FAM20A: variants seen among roughly 807,000 people sequenced by gnomAD.
FAM20A encodes pseudokinase FAM20A.
In FAM20A, 42 loss-of-function variants were observed where a neutral mutation model predicts 52.0. The observed-to-expected ratio is 0.81, with a 90% CI of 0.63 to 1.04. The LOEUF is 1.04. Ranked by LOEUF, FAM20A falls within the 50% of genes least tolerant of loss-of-function variation. The probability of loss-of-function intolerance (pLI) is 0.00; values close to 1 mark genes in which losing one functional copy is unlikely to be tolerated. For missense variants in FAM20A, 742 were observed against 712.7 expected (o/e 1.04, Z -0.47); for synonymous variants, 304 against 298.9 (o/e 1.02, Z -0.18).
At chr17:68,545,712 C>G (rs2086523643) in intron 4 of FAM20A, among the ~76,000 whole-genome samples, 1 of 152,222 alleles carries the variant, frequency 6.6e-6, no homozygotes, top group Admixed American at 6.5e-5. Flanking sequence ...AGTAGAACTT[C>G]TGTCAAAATT....
intron 7 of FAM20A, 51 bp downstream of exon 7, chr17:68,541,934 G>T: frequency 1.3e-6 from 2 of 1,577,418 alleles, no homozygotes. Context: ...CTGGTACAGG[G>T]TCTGTGGCTA....
At chr17:68,596,181 G>T (rs1314293823) in intron 1 of FAM20A, among the ~76,000 whole-genome samples, 1 of 151,626 alleles carries the variant, frequency 6.6e-6, no homozygotes, top group Non-Finnish European at 1.5e-5. Flanking sequence ...GAAGAAGACA[G>T]GAGTTTCTGA....
At chr17:68,588,943 G>A (rs2088231101) in intron 1 of FAM20A, among the ~76,000 whole-genome samples, 1 of 152,236 alleles carries the variant, frequency 6.6e-6, no homozygotes, top group Admixed American at 6.5e-5. Flanking sequence ...CTCACCAGCA[G>A]AAGGGATTTC....
At chr17:68,580,583 T>G (rs2087914378) in intron 1 of FAM20A, among the ~76,000 whole-genome samples, 1 of 152,192 alleles carries the variant, frequency 6.6e-6, no homozygotes, top group South Asian at 2.1e-4. Flanking sequence ...GCTTCTGAGC[T>G]GGAGTGGCCC....
chr17:68,591,746 G>GGGC (rs2088317171), intron 1 of FAM20A: 1 of 152,088 alleles, frequency 6.6e-6, no homozygotes, highest in Admixed American at 6.6e-5. Context: ...GGAGGATGGG[G>GGGC]GTGGAGCCTC....
chr17:68,568,474 A>AAATAAATC (rs1033649281), intron 1 of FAM20A, among the ~76,000 whole-genome samples: 7 of 151,038 alleles, frequency 4.6e-5, no homozygotes, highest in African/African-American at 1.2e-4. Flanking sequence ...TCTCTAAAAT[A>AAATAAATC]AATAAATAAA....
intron 1 of FAM20A, among the ~76,000 whole-genome samples, chr17:68,591,167 C>T (rs1288656954): frequency 1.3e-5 from 2 of 151,996 alleles, no homozygotes; most frequent in African/African-American, 4.8e-5. Flanking sequence ...AGTGCAGTGG[C>T]GCGATCTCGG....
chr17:68,588,106 G>A (rs1286358193), intron 1 of FAM20A, among the ~76,000 whole-genome samples: 1 of 151,724 alleles, frequency 6.6e-6, no homozygotes, highest in Non-Finnish European at 1.5e-5. Flanking sequence ...GAGACAAAGA[G>A]CCAGTTTTCA....
chr17:68,549,458 C>G (rs1019124088), intron 4 of FAM20A, among the ~76,000 whole-genome samples: 1 of 150,936 alleles, frequency 6.6e-6, no homozygotes, highest in African/African-American at 2.4e-5. Context: ...AGCGCCACTG[C>G]ACTCCAGCCT....
chr17:68,552,531 C>T (rs1327687413), intron 3 of FAM20A, among the ~76,000 whole-genome samples: 1 of 152,092 alleles, frequency 6.6e-6, no homozygotes, highest in Non-Finnish European at 1.5e-5. Context: ...TCCTGGGCAC[C>T]TCACTTCTCT....
At chr17:68,569,101 C>G (rs2087467635) in intron 1 of FAM20A, among the ~76,000 whole-genome samples, 1 of 152,040 alleles carries the variant, frequency 6.6e-6, no homozygotes, top group Admixed American at 6.5e-5. Flanking sequence ...CTTTCTCCCT[C>G]TAGCCTTGCT....
chr17:68,573,611 C>T (rs543494235), intron 1 of FAM20A, among the ~76,000 whole-genome samples: 2 of 141,810 alleles, frequency 1.4e-5, no homozygotes, highest in Non-Finnish European at 3.0e-5. Context: ...TCTCTCTTTT[C>T]TTCCTTCCTT....
rs2088604188 is a variant in FAM20A, at chr17:68,600,788, C to T, written c.-122G>A. The T allele has an allele frequency of 9.1e-7, 1 of 1,095,118 alleles. No individual in the cohort carries two copies. The highest frequency in any genetic ancestry group is 1.6e-5 in the South Asian group (1 of 61,330). 67.8% of individuals were successfully genotyped at this position (1,095,118 alleles called of 1,614,324 possible). On this transcript the variant is annotated 5_prime_UTR_variant, in exon 1 of 11. Transcript: ENST00000592554. The surrounding 1 kb of genome is among the most constrained non-coding windows in gnomAD (Gnocchi z 6.2). The stretch of plus-strand genomic sequence containing the variant: ...CGCGGGTGGGCCGGGGTCAGTGAGA[C>T]CGGAATGCTCCCCGCGCGGGCTAGT...
intron 1 of FAM20A, among the ~76,000 whole-genome samples, chr17:68,594,507 T>C (rs1033420219): frequency 1.3e-5 from 2 of 152,234 alleles, no homozygotes; most frequent in Non-Finnish European, 2.9e-5. Context: ...CACAGTTTTG[T>C]AGGTCAGATG....
In FAM20A at chr17:68,542,790, C is replaced by T. The variant is rs1406824975; in HGVS notation, c.832G>A (p.Val278Met). 1 of 1,613,952 alleles carries T rather than the reference C, an allele frequency of 6.2e-7. No homozygotes were observed. Among genetic ancestry groups the T allele is most frequent in the Non-Finnish European group, 8.5e-7 (1 of 1,179,964 alleles). ...ACTATCCTCCCCACTGTTGGCGGCA[C>T]CCGTCGGAAGTCCAGAATCCTGCAA... is the stretch of plus-strand genomic sequence containing the variant. Reference protein sequence around the residue: ...HLDRILDFRRVPPTVGRIVNV... With the variant: ...HLDRILDFRRMPPTVGRIVNV... Residue 278 changes from valine to methionine, a missense_variant, in exon 6 of 11, where the codon GTG (valine) becomes ATG (methionine). Transcript: ENST00000592554.
chr17:68,541,879 T>C, intron 7 of FAM20A, 106 bp downstream of exon 7: 1 of 1,354,560 alleles, frequency 7.4e-7, no homozygotes, highest in South Asian at 1.4e-5. Context: ...CAAAGGAGTA[T>C]TGAGGCAGCT....
At position 68,600,871 on chromosome 17, in the gene FAM20A, C is replaced by T; in HGVS notation, c.-205G>A. 1 of 530,936 alleles carries T rather than the reference C, an allele frequency of 1.9e-6. No individual in the cohort carries two copies. The allele number at this position is 530,936 out of a possible 1,614,324, so 32.9% of individuals were successfully genotyped here. A position where few individuals can be genotyped will look rare whatever the true frequency, so the allele number is the denominator to read the frequency against. ...GGACCAGGTGCACGGAGCACCGGGG[C>T]TCTCGGAGTCAGCGGGCGTCGCTTC... is the stretch of plus-strand genomic sequence containing the variant. On this transcript the variant is annotated 5_prime_UTR_variant, in exon 1 of 11. Transcript: ENST00000592554. This position sits in a 1 kb window ranked among gnomAD's most constrained non-coding sequence, Gnocchi z 6.2.
intron 4 of FAM20A, among the ~76,000 whole-genome samples, chr17:68,549,510 G>A (rs7208742): frequency 0.16 from 24,746 of 150,116 alleles, 2,060 homozygotes; most frequent in South Asian, 0.18. Context: ...AAAAAAAAAA[G>A]TTAGAGACAT....
intron 1 of FAM20A, among the ~76,000 whole-genome samples, chr17:68,594,723 A>G (rs2088407507): frequency 6.6e-6 from 1 of 152,214 alleles, no homozygotes; most frequent in Admixed American, 6.5e-5. Context: ...TCTTAGCCTA[A>G]AGATTGCTCC....
Sources: gnomAD v4.1 joint callset for allele counts (sites outside exome capture counted in the v4.1 genomes callset) on GRCh38, gnomAD v4.1.1 for gene constraint, Gnocchi (gnomAD v3.1) non-coding constraint, MANE v1.5 for transcripts, NCBI Gene and HGNC (gene_info 2026-07-23, HGNC 2026-07-21) for gene names.